The following DOP1A variants were observed in gnomAD, a reference collection of about 807,000 sequenced individuals.
DOP1A encodes the protein DOP1 leucine zipper like protein A, also known as protein DOP1A.
A neutral mutation model predicts 267.6 loss-of-function variants in DOP1A; 90 were observed. The observed-to-expected ratio is 0.34, with a 90% confidence interval of 0.28 to 0.40. DOP1A has a LOEUF of 0.40. Among genes scored for constraint, DOP1A ranks in the 10% least tolerant of loss-of-function variants. The probability of loss-of-function intolerance (pLI) is 1.00; values close to 1 mark genes in which losing one functional copy is unlikely to be tolerated. For synonymous variants in DOP1A, 932 were observed against 999.1 expected, an observed-to-expected ratio of 0.93 and a Z score of 1.27; for missense variants, 2,437 against 2,900.4, an observed-to-expected ratio of 0.84 and a Z score of 3.67.
intron 34 of DOP1A, among the ~76,000 whole-genome samples, chr6:83,156,616 T>C (rs1200157594): frequency 1.3e-5 from 2 of 152,158 alleles, no homozygotes; most frequent in East Asian, 3.9e-4. Flanking sequence ...TACCACCAAA[T>C]AGCTCCACAA....
intron 1 of DOP1A, among the ~76,000 whole-genome samples, chr6:83,071,045 C>T (rs1021208049): frequency 3.3e-5 from 5 of 152,262 alleles, no homozygotes. Flanking sequence ...ATCAAAGTCC[C>T]CTTAATTTCT....
intron 37 of DOP1A, among the ~76,000 whole-genome samples, chr6:83,160,577 G>A (rs899747290): frequency 6.6e-6 from 1 of 152,172 alleles, no homozygotes; most frequent in African/African-American, 2.4e-5. Flanking sequence ...GAATGGACTG[G>A]AGCTGGGCAA....
At chr6:83,118,005 G>T (rs1001466985) in intron 7 of DOP1A, among the ~76,000 whole-genome samples, 20 of 152,186 alleles carry the variant, frequency 1.3e-4, no homozygotes. Context: ...TGATTAAGGA[G>T]AAGTGAGTTC....
intron 4 of DOP1A, among the ~76,000 whole-genome samples, chr6:83,104,058 A>G (rs1773105993): frequency 6.6e-6 from 1 of 152,184 alleles, no homozygotes; most frequent in Non-Finnish European, 1.5e-5. Flanking sequence ...TCAACCTTTT[A>G]TTAAGTAGTC....
chr6:83,144,894 A>G (rs927948287), intron 24 of DOP1A, among the ~76,000 whole-genome samples: 2 of 151,090 alleles, frequency 1.3e-5, no homozygotes, highest in African/African-American at 2.4e-5. Flanking sequence ...TTGATGAAAA[A>G]TAAATAAATT....
chr6:83,119,074 C>T, intron 8 of DOP1A, 87 bp downstream of exon 8: 1 of 1,149,676 alleles, frequency 8.7e-7, no homozygotes. Context: ...GTATGTATGT[C>T]CTGAATTTAA....
Position 83,147,236 on chromosome 6 carries a change from A to G in DOP1A, c.5677A>G (p.Lys1893Glu). The change falls in exon 26 of 39, where the codon AAA becomes GAA. Residue 1893 changes from lysine (K) to glutamate (E), a missense_variant and splice_region_variant. By Grantham distance (56) the Lys-to-Glu change is moderately conservative (BLOSUM62 1). This residue lies in a region of DOP1A where 307 missense variants were observed against 308.6 expected (regional missense o/e 0.99). Coordinates refer to ENST00000349129, the MANE Select transcript of DOP1A (RefSeq NM_015018.4). Reference protein sequence around the residue: ...KQPPAIAKDKKHLSLEVCMLQ... With the variant: ...KQPPAIAKDKEHLSLEVCMLQ... ...CAAAATTGATTTCTTTTATTTATAG[A>G]AACATCTTTCTTTGGAAGTCTGCAT... 1 of 1,454,460 alleles carries G rather than the reference A, an allele frequency of 6.9e-7. No homozygotes were observed. The highest frequency in any genetic ancestry group is 9.4e-7 in the Non-Finnish European group (1 of 1,063,368). 90.1% of individuals were successfully genotyped at this position (1,454,460 alleles called of 1,614,324 possible). A position where few individuals can be genotyped will look rare whatever the true frequency, so the allele number is the denominator to read the frequency against.
At chr6:83,169,624 C>A (rs945869933), downstream of DOP1A, 1 of 461,854 alleles carries the variant, frequency 2.2e-6, no homozygotes, top group South Asian at 1.7e-5. Context: ...ATTGGCCTAA[C>A]AGTAAGTAAG....
chr6:83,152,618 T>C (rs1332890045), intron 30 of DOP1A, among the ~76,000 whole-genome samples: 1 of 149,426 alleles, frequency 6.7e-6, no homozygotes, highest in African/African-American at 2.4e-5. Flanking sequence ...TTTTTTCTTT[T>C]TCTTTTTTTT....
intron 7 of DOP1A, among the ~76,000 whole-genome samples, chr6:83,117,513 C>G (rs747979106): frequency 2.0e-5 from 3 of 152,048 alleles, no homozygotes; most frequent in Non-Finnish European, 4.4e-5. Flanking sequence ...GACATGCACT[C>G]AAAGGTTGAT....
chr6:83,146,865 C>T (rs1213228763), intron 25 of DOP1A, among the ~76,000 whole-genome samples: 1 of 152,122 alleles, frequency 6.6e-6, no homozygotes, highest in Non-Finnish European at 1.5e-5. Flanking sequence ...CTCAAATACA[C>T]ATTTCATTAA....
intron 1 of DOP1A, among the ~76,000 whole-genome samples, chr6:83,092,556 T>TCC (rs66482434): frequency 5.3e-4 from 36 of 67,892 alleles, no homozygotes; most frequent in African/African-American, 1.8e-3. Context: ...GTAGTGTCCC[T>TCC]CCCCCCCCCC....
At chr6:83,130,696 G>C (rs1350852008) in intron 17 of DOP1A, among the ~76,000 whole-genome samples, 2 of 152,038 alleles carry the variant, frequency 1.3e-5, no homozygotes, top group Non-Finnish European at 2.9e-5. Context: ...GCTAGAAAGA[G>C]GAAAGCGGTA....
chr6:83,107,567 C>A (rs2128165403), intron 4 of DOP1A, among the ~76,000 whole-genome samples: 1 of 152,274 alleles, frequency 6.6e-6, no homozygotes, highest in Middle Eastern at 3.4e-3. Context: ...CTGATATTTA[C>A]AGTCCGTTGG....
rs770150627 is a variant in DOP1A at position 83,097,124 on chromosome 6, G to A, written c.138+9G>A. On this transcript the variant is annotated intron_variant, in intron 3 of 38. Coordinates refer to ENST00000349129, the MANE Select transcript of DOP1A (RefSeq NM_015018.4). ...TTGGAAAACTTAATAAGGTATGTCT[G>A]TATTATCCATTTCATAAAAGGAGTA... 3.7e-6 allele frequency: 6 copies of A among 1,609,266 alleles called. No homozygotes were observed. The highest frequency in any genetic ancestry group is 5.1e-6 in the Non-Finnish European group (6 of 1,178,272).
chr6:83,169,044 T>A, downstream of DOP1A: 1 of 1,375,598 alleles, frequency 7.3e-7, no homozygotes. Context: ...TAAATTTCTT[T>A]AACAAGTGTA....
chr6:83,154,731 C>T (rs1295504458), intron 33 of DOP1A, among the ~76,000 whole-genome samples: 1 of 151,860 alleles, frequency 6.6e-6, no homozygotes, highest in Non-Finnish European at 1.5e-5. Flanking sequence ...CAGAATCACC[C>T]CCCACCCCCT....
intron 1 of DOP1A, chr6:83,073,056 AC>A: frequency 7.7e-6 from 2 of 260,282 alleles, no homozygotes; most frequent in South Asian, 3.7e-5. Flanking sequence ...ATACAGCATT[AC>A]CACCAAGTAG....
chr6:83,076,541 A>G (rs1767126352), intron 1 of DOP1A, among the ~76,000 whole-genome samples: 1 of 152,148 alleles, frequency 6.6e-6, no homozygotes, highest in Non-Finnish European at 1.5e-5. Flanking sequence ...ATCACTAATC[A>G]TTAGATAAAT....
Sources: gnomAD v4.1 joint callset for allele counts (sites outside exome capture counted in the v4.1 genomes callset) on GRCh38, gnomAD v4.1.1 for gene constraint, gnomAD v4.1.1 regional missense constraint, MANE v1.5 for transcripts, NCBI Gene and HGNC (gene_info 2026-07-23, HGNC 2026-07-21) for gene names.